The following ATP9B variants were observed in gnomAD, a reference collection of about 807,000 sequenced individuals.
ATP9B encodes ATPase phospholipid transporting 9B.
Under a neutral mutation model 146.1 loss-of-function variants are expected in ATP9B, and 110 were observed. That is an observed-to-expected ratio of 0.75 (90% CI 0.65 to 0.88). The LOEUF (loss-of-function observed/expected upper bound fraction) is 0.88, where lower values mean the gene tolerates loss of function less well. Ranked by LOEUF, ATP9B falls within the 40% of genes least tolerant of loss-of-function variation. ATP9B has a pLI of 0.00. For missense variants in ATP9B, 1,499 were observed against 1,496.4 expected, an observed-to-expected ratio of 1.00 and a Z score of -0.03; for synonymous variants, 604 against 569.7, an observed-to-expected ratio of 1.06 and a Z score of -0.86.
intron 2 of ATP9B, among the ~76,000 whole-genome samples, chr18:79,104,100 T>C (rs897722535): frequency 7.2e-5 from 11 of 152,136 alleles, no homozygotes; most frequent in Non-Finnish European, 1.0e-4. Flanking sequence ...CTGGGAACTT[T>C]GCTAGGATAA....
chr18:79,118,394 T>TTTG (rs2094128788), intron 4 of ATP9B, among the ~76,000 whole-genome samples: 1 of 121,248 alleles, frequency 8.2e-6, no homozygotes, highest in Non-Finnish European at 1.7e-5. Flanking sequence ...GTTTTTGTTT[T>TTTG]TTTTTTTTTT....
intron 13 of ATP9B, among the ~76,000 whole-genome samples, chr18:79,290,262 G>T (rs182604476): frequency 0.015 from 2,321 of 152,338 alleles, 62 homozygotes; most frequent in African/African-American, 0.053. Context: ...GCTGTGGTGG[G>T]CTCCACCCAG....
chr18:79,073,488 C>T (rs756304274), intron 1 of ATP9B, among the ~76,000 whole-genome samples: 8 of 152,296 alleles, frequency 5.3e-5, no homozygotes, highest in Non-Finnish European at 1.0e-4. Context: ...ACCAGTCAGG[C>T]GTGGCGGCGC....
At chr18:79,273,495 A>G (rs1350094267) in intron 12 of ATP9B, among the ~76,000 whole-genome samples, 1 of 152,226 alleles carries the variant, frequency 6.6e-6, no homozygotes, top group Admixed American at 6.5e-5. Context: ...AAAACTTCTG[A>G]TTAAATGACT....
rs2096833798 is a variant in ATP9B at position 79,337,443 on chromosome 18, G to A, written c.2277G>A (p.Gly759=). The A allele has an allele frequency of 1.2e-6, 2 of 1,609,976 alleles. No homozygotes were observed. The highest frequency in any genetic ancestry group is 2.7e-5 in the African/African-American group (2 of 74,914). The change falls in exon 19 of 30, where the codon GGG becomes GGA. Residue 759 remains glycine (G), a synonymous_variant. Transcript: ENST00000426216. The part of the protein sequence containing the change: ...RPTLEMLRNA[G]IKIWMLTGDK... Reference sequence around the variant, plus strand: ...CGCTGGAGATGCTGCGCAACGCCGGGATCAAGGTACTGCAGGCTCACCTCT... The same window carrying A: ...CGCTGGAGATGCTGCGCAACGCCGGAATCAAGGTACTGCAGGCTCACCTCT...
At chr18:79,350,628 T>C (rs2096917457) in intron 25 of ATP9B, among the ~76,000 whole-genome samples, 1 of 152,236 alleles carries the variant, frequency 6.6e-6, no homozygotes, top group African/African-American at 2.4e-5. Context: ...GTGCTAATAT[T>C]CTCAGCTTTC....
At chr18:79,103,148 A>G (rs2146879202) in intron 2 of ATP9B, among the ~76,000 whole-genome samples, 1 of 152,212 alleles carries the variant, frequency 6.6e-6, no homozygotes, top group South Asian at 2.1e-4. Flanking sequence ...CAGTAGCGAG[A>G]AGGGTCACCG....
At chr18:79,110,049 C>G (rs1230265041) in intron 2 of ATP9B, among the ~76,000 whole-genome samples, 1 of 152,092 alleles carries the variant, frequency 6.6e-6, no homozygotes, top group African/African-American at 2.4e-5. Flanking sequence ...ATAGCTATAC[C>G]TTTTCTCGAC....
intron 13 of ATP9B, among the ~76,000 whole-genome samples, chr18:79,280,922 A>C (rs1179298190): frequency 1.3e-5 from 2 of 152,234 alleles, no homozygotes; most frequent in African/African-American, 4.8e-5. Context: ...CTAGAACTAA[A>C]TAATAATATA....
At chr18:79,309,811 T>C (rs2096642808) in intron 15 of ATP9B, among the ~76,000 whole-genome samples, 1 of 152,156 alleles carries the variant, frequency 6.6e-6, no homozygotes. Context: ...TGTAAATGGG[T>C]GAATAGTGTC....
chr18:79,217,253 C>T (rs939272501), intron 11 of ATP9B, among the ~76,000 whole-genome samples: 3 of 152,198 alleles, frequency 2.0e-5, no homozygotes, highest in African/African-American at 2.4e-5. Flanking sequence ...GGCGCAATCT[C>T]GGCTCACTGC....
At position 79,337,371 on chromosome 18, in the gene ATP9B, G is replaced by A. The variant is rs763806830; in HGVS notation, c.2205G>A (p.Leu735=). The change falls in exon 19 of 30, where the codon CTG becomes CTA. Residue 735 remains leucine, a synonymous_variant. Coordinates refer to ENST00000426216, the MANE Select transcript of ATP9B (RefSeq NM_198531.5). ...VESLEREMEL[L]CLTGVEDQLQ... Reference sequence around the variant, plus strand: ...GCCTGGAGAGGGAGATGGAACTGCTGTGCCTCACCGGCGTGGAGGACCAGC... The same window carrying A: ...GCCTGGAGAGGGAGATGGAACTGCTATGCCTCACCGGCGTGGAGGACCAGC... 5.7e-5 allele frequency: 92 copies of A among 1,613,998 alleles called. No individual in the cohort carries two copies. The highest frequency in any genetic ancestry group is 7.3e-5 in the Non-Finnish European group (86 of 1,180,054).
intron 13 of ATP9B, among the ~76,000 whole-genome samples, chr18:79,292,274 T>C (rs1287279555): frequency 1.3e-5 from 2 of 152,222 alleles, no homozygotes; most frequent in African/African-American, 4.8e-5. Flanking sequence ...AAACTCTCTC[T>C]GTATGTGTGA....
At chr18:79,355,625 G>A (rs571891581) in intron 25 of ATP9B, among the ~76,000 whole-genome samples, 154 of 149,550 alleles carry the variant, frequency 1.0e-3, no homozygotes, top group African/African-American at 3.8e-3. Context: ...TAATTCTACC[G>A]TTTGTGCCGT....
chr18:79,348,186 C>CT lies in ATP9B; in HGVS notation c.2894dup (p.Met966HisfsTer73), dbSNP rs771272898. On this transcript the variant is annotated frameshift_variant, in exon 25 of 30. Coordinates refer to ENST00000426216, the MANE Select transcript of ATP9B (RefSeq NM_198531.5). LOFTEE classifies it high-confidence loss of function. ...ATCCGTCCCTTTGTATCAGGGCTTC[C>CT]TCATGGTGGGGTAAGTTACACTCAG... 6.2e-7 allele frequency: 1 copy of CT among 1,606,014 alleles called. No individual in the cohort carries two copies.
At chr18:79,099,096 T>G (rs531620585) in intron 2 of ATP9B, among the ~76,000 whole-genome samples, 2 of 152,344 alleles carry the variant, frequency 1.3e-5, no homozygotes, top group South Asian at 4.1e-4. Flanking sequence ...TTTTCTAGCT[T>G]CATAAGATGA....
In ATP9B at chr18:79,222,223, G is replaced by A. The variant is rs376247358; in HGVS notation, c.1107+8185G>A. ...AAATGCAAAGAATTAGCCGGGCGTG[G>A]TGGCAGGCGCCTGTAAACCCAGTTA... On this transcript the variant is annotated intron_variant, in intron 11 of 29. Transcript: ENST00000426216. Among the ~76,000 whole-genome samples, 366 of 152,154 alleles carry A rather than the reference G, an allele frequency of 2.4e-3. 2 individuals are homozygous for A. Among genetic ancestry groups the A allele is most frequent in the South Asian group, 6.4e-3 (31 of 4,814 alleles).
In ATP9B at chr18:79,303,691, G is replaced by A. The variant is rs35992437; in HGVS notation, c.1499G>A (p.Ser500Asn). 8.7e-6 allele frequency: 14 copies of A among 1,613,854 alleles called. No homozygotes were observed. The highest frequency in any genetic ancestry group is 1.3e-5 in the African/African-American group (1 of 74,912). Residue 500 changes from serine (S) to asparagine (N), a missense_variant, in exon 14 of 30, where the codon AGC (serine) becomes AAC (asparagine). Ser to Asn is a conservative substitution (Grantham distance 46, BLOSUM62 1). Transcript: ENST00000426216. ...YGADTMDEIQ[S>N]HVRDSYSQMQ... ...GCCGACACGATGGATGAGATCCAGA[G>A]CCATGTCAGGGACTCCTACTCACAG... is the stretch of plus-strand genomic sequence containing the variant.
At chr18:79,290,096 G>C (rs9635875) in intron 13 of ATP9B, among the ~76,000 whole-genome samples, 2 of 151,924 alleles carry the variant, frequency 1.3e-5, no homozygotes, top group South Asian at 2.1e-4. Context: ...CAGTCTGCCC[G>C]TTCTCAGATC....
Sources: gnomAD v4.1 joint callset for allele counts (sites outside exome capture counted in the v4.1 genomes callset) on GRCh38, gnomAD v4.1.1 for gene constraint, MANE v1.5 for transcripts, NCBI Gene and HGNC (gene_info 2026-07-23, HGNC 2026-07-21) for gene names.